GALNT13: variants seen among roughly 807,000 people sequenced by gnomAD.
The protein encoded by GALNT13 is polypeptide N-acetylgalactosaminyltransferase 13.
In GALNT13, 28 loss-of-function variants were observed where a neutral mutation model predicts 64.2. The observed-to-expected ratio is 0.44, with a 90% CI of 0.32 to 0.60. The LOEUF is 0.60. Among genes scored for constraint, GALNT13 ranks in the 20% least tolerant of loss-of-function variants. The pLI is 0.05. For missense variants in GALNT13, 577 were observed against 669.8 expected (o/e 0.86, Z 1.53); for synonymous variants, 214 against 224.6 (o/e 0.95, Z 0.42).
chr2:153,664,146 A>C, the GALNT13 span, among the ~76,000 whole-genome samples: 2 of 152,144 alleles, frequency 1.3e-5, no homozygotes, highest in Non-Finnish European at 2.9e-5. Flanking sequence ...ACCAGGCTGG[A>C]ATTTCCTAAT....
chr2:153,837,497 T>C, the GALNT13 span, among the ~76,000 whole-genome samples: 1 of 152,100 alleles, frequency 6.6e-6, no homozygotes, highest in African/African-American at 2.4e-5. Context: ...TAACTGAGAT[T>C]ATGCAGTATT....
chr2:154,392,121 G>T (rs1357673280), intron 9 of GALNT13, among the ~76,000 whole-genome samples: 1 of 152,198 alleles, frequency 6.6e-6, no homozygotes, highest in Non-Finnish European at 1.5e-5. Context: ...AGTGGGGCTA[G>T]AATGAAGATG....
intron 10 of GALNT13, among the ~76,000 whole-genome samples, chr2:154,408,124 C>T (rs1699636599): frequency 6.6e-6 from 1 of 152,002 alleles, no homozygotes; most frequent in Non-Finnish European, 1.5e-5. Flanking sequence ...GGGGTTGAGA[C>T]TAAGTAAAAA....
At chr2:153,232,572 CTGCAGTGAG>C in the GALNT13 span, among the ~76,000 whole-genome samples, 2 of 152,328 alleles carry the variant, frequency 1.3e-5, no homozygotes, top group East Asian at 3.9e-4. Flanking sequence ...TCATTGATCT[CTGCAGTGAG>C]TTGTATAATA....
At chr2:153,341,435 A>G in the GALNT13 span, among the ~76,000 whole-genome samples, 1 of 152,218 alleles carries the variant, frequency 6.6e-6, no homozygotes. Flanking sequence ...TCCCTGATAC[A>G]ATTAGCTCTT....
the GALNT13 span, among the ~76,000 whole-genome samples, chr2:153,861,768 G>A: frequency 6.6e-6 from 1 of 151,838 alleles, no homozygotes; most frequent in Non-Finnish European, 1.5e-5. Flanking sequence ...TTAGTAGAGG[G>A]TTTCACCATG....
chr2:153,426,018 A>G, the GALNT13 span, among the ~76,000 whole-genome samples: 3 of 151,836 alleles, frequency 2.0e-5, no homozygotes, highest in African/African-American at 2.4e-5. Flanking sequence ...GATTTCACCA[A>G]TTTTGTTTAT....
the GALNT13 span, among the ~76,000 whole-genome samples, chr2:153,846,036 G>T: frequency 6.6e-6 from 1 of 152,114 alleles, no homozygotes; most frequent in Non-Finnish European, 1.5e-5. Flanking sequence ...GTCTTTTCCA[G>T]ACTAACAACA....
At chr2:153,147,881 A>G in the GALNT13 span, among the ~76,000 whole-genome samples, 4 of 151,844 alleles carry the variant, frequency 2.6e-5, no homozygotes, top group African/African-American at 9.7e-5. Flanking sequence ...GGATGATCAC[A>G]GTAACAGTAG....
At chr2:153,825,410 C>T in the GALNT13 span, among the ~76,000 whole-genome samples, 2 of 152,164 alleles carry the variant, frequency 1.3e-5, no homozygotes, top group Middle Eastern at 3.4e-3. Flanking sequence ...AGCAATGGCT[C>T]CTGTTGTATT....
intron 9 of GALNT13, among the ~76,000 whole-genome samples, chr2:154,390,510 A>C (rs1275558034): frequency 6.6e-6 from 1 of 152,150 alleles, no homozygotes; most frequent in Non-Finnish European, 1.5e-5. Flanking sequence ...TTAGTTTGCT[A>C]AGGATAATGG....
At chr2:154,396,936 A>G (rs1043305962) in intron 10 of GALNT13, among the ~76,000 whole-genome samples, 3 of 149,968 alleles carry the variant, frequency 2.0e-5, no homozygotes, top group South Asian at 2.1e-4. Context: ...ATATATTCAT[A>G]CTATAGATAA....
chr2:153,578,987 A>G, the GALNT13 span, among the ~76,000 whole-genome samples: 1 of 152,212 alleles, frequency 6.6e-6, no homozygotes, highest in Non-Finnish European at 1.5e-5. Context: ...TTATCTGGCT[A>G]ACGCATTCTA....
At chr2:153,269,077 G>A in the GALNT13 span, among the ~76,000 whole-genome samples, 1 of 152,296 alleles carries the variant, frequency 6.6e-6, no homozygotes, top group South Asian at 2.1e-4. Flanking sequence ...TGTTACTTAT[G>A]CAAATTTCTA....
chr2:153,284,841 G>A, the GALNT13 span, among the ~76,000 whole-genome samples: 6 of 152,032 alleles, frequency 3.9e-5, no homozygotes, highest in South Asian at 8.3e-4. Flanking sequence ...AGTAGCTGAG[G>A]CATACTAAAA....
intron 3 of GALNT13, among the ~76,000 whole-genome samples, chr2:154,126,906 GAT>G (rs1682315484): frequency 6.6e-6 from 1 of 151,904 alleles, no homozygotes; most frequent in South Asian, 2.1e-4. Context: ...AAGAAATAGC[GAT>G]ATGAGGCAAA....
At chr2:154,040,170 A>G (rs1698896453) in intron 3 of GALNT13, among the ~76,000 whole-genome samples, 1 of 140,894 alleles carries the variant, frequency 7.1e-6, no homozygotes. Context: ...TTATTGTCCA[A>G]TGCAGAAGAA....
chr2:153,376,974 C>G, the GALNT13 span, among the ~76,000 whole-genome samples: 1 of 151,972 alleles, frequency 6.6e-6, no homozygotes, highest in Non-Finnish European at 1.5e-5. Flanking sequence ...GAATTGTATT[C>G]CCTTCAAATT....
At chr2:153,375,767 G>T in the GALNT13 span, among the ~76,000 whole-genome samples, 2 of 152,078 alleles carry the variant, frequency 1.3e-5, no homozygotes, top group African/African-American at 2.4e-5. Flanking sequence ...GAGTCCCCAG[G>T]TTCAAGTCTG....
Sources: gnomAD v4.1 joint callset for allele counts (sites outside exome capture counted in the v4.1 genomes callset) on GRCh38, gnomAD v4.1.1 for gene constraint, MANE v1.5 for transcripts, NCBI Gene and HGNC (gene_info 2026-07-23, HGNC 2026-07-21) for gene names.